Variants in GABRA2 observed in about 807,000 individuals in gnomAD.
The protein encoded by GABRA2 is gamma-aminobutyric acid receptor subunit alpha-2.
GABRA2 carries 16 observed loss-of-function variants against 48.7 expected under a neutral mutation model. The ratio of observed to expected loss-of-function variants is 0.33; its 90% CI spans 0.22 to 0.50. The LOEUF is 0.50. GABRA2 is among the 20% of genes least tolerant of loss of function. The pLI, the probability that GABRA2 is intolerant of heterozygous loss-of-function variation, is 0.98. For missense variants in GABRA2, 275 were observed against 535.6 expected (o/e 0.51, Z 4.80); for synonymous variants, 185 against 184.5 (o/e 1.00, Z -0.02).
At position 46,342,688 on chromosome 4, in the gene GABRA2, C is replaced by A. The variant is rs569423458; in HGVS notation, c.188-10006G>T. The stretch of plus-strand genomic sequence containing the variant: ...TTAGAGAAAAGGTCTTACTCTGGTG[C>A]GTAGGCTGGAGTGAAGTCATATGAT... On this transcript the variant is annotated intron_variant, in intron 3 of 9. Transcript: ENST00000381620. Among the ~76,000 whole-genome samples, 68 of 152,142 alleles carry A rather than the reference C, an allele frequency of 4.5e-4. No homozygotes were observed. The South Asian group carries it at 0.014, about 32-fold the overall frequency.
In GABRA2 at chr4:46,328,021, T is replaced by C. The variant is rs373672304; in HGVS notation, c.255+4594A>G. 3.9e-5 allele frequency among the ~76,000 whole-genome samples: 6 copies of C among 151,978 alleles called. No individual in the cohort carries two copies. In the East Asian group the frequency reaches 9.7e-4, roughly 25 times the overall value. The stretch of plus-strand genomic sequence containing the variant: ...AATGTTTACTAATATAAGAAAGACA[T>C]CCTATATAGAAACCAAGGAAAAAGG... On this transcript the variant is annotated intron_variant, in intron 4 of 9. Coordinates refer to ENST00000381620, the MANE Select transcript of GABRA2 (RefSeq NM_000807.4).
chr4:46,370,432 G>A (rs953133072), intron 3 of GABRA2, among the ~76,000 whole-genome samples: 1 of 151,980 alleles, frequency 6.6e-6, no homozygotes, highest in Admixed American at 6.6e-5. Context: ...AACCAACCAG[G>A]AAAAAGGAGT....
In GABRA2 at chr4:46,245,682, T is replaced by A. The variant is rs573366781; in HGVS notation, c.*4626A>T. Among the ~76,000 whole-genome samples the A allele has an allele frequency of 1.5e-4, 23 of 151,268 alleles. 1 individual carries two copies. The East Asian group carries it at 3.3e-3, about 22-fold the overall frequency. ...ATTTCTCAAAACATTATTCCATACA[T>A]ACCTAGGAATTACACACATACACAC... On this transcript the variant is annotated 3_prime_UTR_variant, in exon 10 of 10. Coordinates refer to ENST00000381620, the MANE Select transcript of GABRA2 (RefSeq NM_000807.4).
intron 8 of GABRA2, among the ~76,000 whole-genome samples, chr4:46,287,566 G>C (rs1268753661): frequency 6.9e-6 from 1 of 144,768 alleles, no homozygotes; most frequent in Non-Finnish European, 1.5e-5. Flanking sequence ...ACTCATAGGT[G>C]GGAATTGAAC....
At chr4:46,309,942 C>T (rs187726425) in intron 6 of GABRA2, among the ~76,000 whole-genome samples, 3 of 152,258 alleles carry the variant, frequency 2.0e-5, no homozygotes, top group Admixed American at 2.0e-4. Flanking sequence ...TACACATGTA[C>T]TAAAACACAT....
chr4:46,268,382 G>A (rs1718663922), intron 8 of GABRA2, among the ~76,000 whole-genome samples: 1 of 151,824 alleles, frequency 6.6e-6, no homozygotes, highest in Admixed American at 6.6e-5. Flanking sequence ...AAACAGGCAA[G>A]GGACTTCAAA....
At chr4:46,384,604 G>C (rs1425431769) in intron 3 of GABRA2, among the ~76,000 whole-genome samples, 4 of 152,066 alleles carry the variant, frequency 2.6e-5, no homozygotes, top group Non-Finnish European at 5.9e-5. Flanking sequence ...TTTGACAGCA[G>C]GTGATTTATT....
At chr4:46,312,094 G>T (rs141460585) in intron 5 of GABRA2, among the ~76,000 whole-genome samples, 2 of 151,984 alleles carry the variant, frequency 1.3e-5, no homozygotes, top group African/African-American at 2.4e-5. Flanking sequence ...GCAAGTCTCC[G>T]CCTCAATAAA....
intron 3 of GABRA2, among the ~76,000 whole-genome samples, chr4:46,349,639 T>C (rs1157404665): frequency 6.6e-6 from 1 of 151,978 alleles, no homozygotes; most frequent in Non-Finnish European, 1.5e-5. Flanking sequence ...ATTCAGAGCC[T>C]TGTTGGCAAT....
chr4:46,281,144 C>T (rs1721457794), intron 8 of GABRA2, among the ~76,000 whole-genome samples: 1 of 152,054 alleles, frequency 6.6e-6, no homozygotes, highest in African/African-American at 2.4e-5. Flanking sequence ...AGCAAAGCTA[C>T]AAGTAGAGCA....
At chr4:46,358,816 G>A (rs1426444859) in intron 3 of GABRA2, among the ~76,000 whole-genome samples, 4 of 152,122 alleles carry the variant, frequency 2.6e-5, no homozygotes, top group African/African-American at 4.8e-5. Context: ...ATGTTCTTTT[G>A]CACTAACTTG....
chr4:46,331,871 G>T (rs1050429559), intron 4 of GABRA2, among the ~76,000 whole-genome samples: 4 of 151,936 alleles, frequency 2.6e-5, no homozygotes, highest in African/African-American at 9.7e-5. Context: ...ACAGGCATGT[G>T]CTATCACACC....
chr4:46,274,975 CT>C (rs1720198995), intron 8 of GABRA2, among the ~76,000 whole-genome samples: 1 of 152,088 alleles, frequency 6.6e-6, no homozygotes. Context: ...AGAAATTGCA[CT>C]GCTTAAATGG....
intron 3 of GABRA2, among the ~76,000 whole-genome samples, chr4:46,379,555 A>C (rs993134386): frequency 6.6e-6 from 1 of 152,154 alleles, no homozygotes; most frequent in Non-Finnish European, 1.5e-5. Flanking sequence ...ACCTTTAGGG[A>C]GCCTAGTGGG....
At chr4:46,328,017 G>C (rs2109788043) in intron 4 of GABRA2, among the ~76,000 whole-genome samples, 1 of 151,882 alleles carries the variant, frequency 6.6e-6, no homozygotes, top group Middle Eastern at 3.4e-3. Context: ...ATATAAGAAA[G>C]ACATCCTATA....
At chr4:46,312,110 A>C (rs2109688414) in intron 5 of GABRA2, among the ~76,000 whole-genome samples, 1 of 152,284 alleles carries the variant, frequency 6.6e-6, no homozygotes, top group South Asian at 2.1e-4. Flanking sequence ...ATAAATGAAT[A>C]AATAAATAAA....
chr4:46,278,794 G>T (rs930433122), intron 8 of GABRA2, among the ~76,000 whole-genome samples: 1 of 151,828 alleles, frequency 6.6e-6, no homozygotes, highest in Admixed American at 6.6e-5. Context: ...ATAACTAGTT[G>T]GGAGGAAAAA....
chr4:46,296,374 T>C (rs568707784), intron 8 of GABRA2, among the ~76,000 whole-genome samples: 9 of 152,268 alleles, frequency 5.9e-5, no homozygotes, highest in African/African-American at 1.7e-4. Flanking sequence ...GAACTAGAAG[T>C]TAAGATTGCC....
Position 46,279,480 on chromosome 4 carries a change from T to G in GABRA2, c.857-17352A>C, listed in dbSNP as rs144915471. ...ATATGACAAAATCTGGCAATGGATA[T>G]TCTCTTTTCATCTCTTTTTTTAAAT... On this transcript the variant is annotated intron_variant, in intron 8 of 9. Coordinates refer to ENST00000381620, the MANE Select transcript of GABRA2 (RefSeq NM_000807.4). 6.6e-3 allele frequency among the ~76,000 whole-genome samples: 1,009 copies of G among 152,258 alleles called. 5 individuals are homozygous for G. Among genetic ancestry groups the G allele is most frequent in the Non-Finnish European group, 0.01 (684 of 68,000 alleles).
Sources: allele counts gnomAD v4.1 joint callset (sites outside exome capture counted in the v4.1 genomes callset), GRCh38; gene constraint gnomAD v4.1.1; transcripts MANE v1.5; gene names NCBI Gene and HGNC (gene_info 2026-07-23, HGNC 2026-07-21).